CRY1: variants seen among roughly 807,000 people sequenced by gnomAD.
CRY1 encodes cryptochrome circadian regulator 1.
In CRY1, 45 loss-of-function variants were observed where a neutral mutation model predicts 76.0. That is an observed-to-expected ratio of 0.59 (90% CI 0.47 to 0.76). The LOEUF (loss-of-function observed/expected upper bound fraction) is 0.76. CRY1 is among the 30% of genes least tolerant of loss of function. CRY1 has a pLI of 0.00. For synonymous variants in CRY1, 248 were observed against 244.0 expected (o/e 1.02, Z -0.15); for missense variants, 587 against 716.4 (o/e 0.82, Z 2.06).
Position 107,022,175 on chromosome 12 carries a change from A to C in CRY1, c.176T>G (p.Leu59Arg). 6.3e-7 allele frequency: 1 copy of C among 1,586,656 alleles called. No homozygotes were observed. Among genetic ancestry groups the C allele is most frequent in the Non-Finnish European group, 8.6e-7 (1 of 1,165,812 alleles). ...INRWRFLLQC[L>R]EDLDANLRKL... ...TCGTAGATTGGCATCAAGATCCTCA[A>C]GACACTGAAGCAAAAATCTAGAGAG... is the stretch of plus-strand genomic sequence containing the variant. The change falls in exon 2 of 13, where the codon CTT becomes CGT. Residue 59 changes from leucine (L) to arginine (R), a missense_variant. Coordinates refer to ENST00000008527, the MANE Select transcript of CRY1 (RefSeq NM_004075.5).
intron 1 of CRY1, among the ~76,000 whole-genome samples, chr12:107,041,356 C>A (rs1314549570): frequency 6.6e-6 from 1 of 152,194 alleles, no homozygotes; most frequent in Non-Finnish European, 1.5e-5. Flanking sequence ...TAGGGAAGAT[C>A]TCTAAGGTTT....
Position 107,047,774 on chromosome 12 carries a change from A to C in CRY1, c.159-25582T>G, listed in dbSNP as rs10746077. ...CTCAGGTATTTCTTCACAGCGGTATAAGAACAGACTAATACAAACACCTAT... is the reference window on the plus strand; with the variant it reads ...CTCAGGTATTTCTTCACAGCGGTATCAGAACAGACTAATACAAACACCTAT... On this transcript the variant is annotated intron_variant, in intron 1 of 12. Coordinates refer to ENST00000008527, the MANE Select transcript of CRY1 (RefSeq NM_004075.5). 1.9e-3 allele frequency among the ~76,000 whole-genome samples: 291 copies of C among 152,036 alleles called. 2 individuals are homozygous for C. Among genetic ancestry groups the C allele is most frequent in the African/African-American group, 6.6e-3 (274 of 41,472 alleles).
intron 1 of CRY1, among the ~76,000 whole-genome samples, chr12:107,063,727 A>G (rs973854431): frequency 6.6e-6 from 1 of 152,130 alleles, no homozygotes; most frequent in African/African-American, 2.4e-5. Flanking sequence ...CCTCCAGAGT[A>G]GCTGGGATTA....
At chr12:106,995,813 G>GC (rs1566239360) in intron 10 of CRY1, among the ~76,000 whole-genome samples, 4 of 151,806 alleles carry the variant, frequency 2.6e-5, no homozygotes, top group Non-Finnish European at 4.4e-5. Context: ...CCCTGCCCCT[G>GC]CCCCCCCAAC....
At chr12:107,024,565 T>TG (rs1188335591) in intron 1 of CRY1, among the ~76,000 whole-genome samples, 2 of 151,978 alleles carry the variant, frequency 1.3e-5, no homozygotes, top group African/African-American at 4.8e-5. Flanking sequence ...TTTGTAGAGG[T>TG]GGGGTCTCCC....
chr12:107,003,547 C>T (rs998246584), intron 3 of CRY1, among the ~76,000 whole-genome samples: 3 of 152,080 alleles, frequency 2.0e-5, no homozygotes, highest in African/African-American at 7.2e-5. Flanking sequence ...CAGATACATA[C>T]AGAAAGTAAT....
chr12:107,001,509 C>T, intron 4 of CRY1, 141 bp from the exon 5 acceptor site: 1 of 748,422 alleles, frequency 1.3e-6, no homozygotes, highest in Non-Finnish European at 2.2e-6. Flanking sequence ...AAGCCCTCAC[C>T]TATAGAGGAT....
At chr12:106,993,255 T>A (rs188089490) in intron 10 of CRY1, among the ~76,000 whole-genome samples, 101 of 152,026 alleles carry the variant, frequency 6.6e-4, no homozygotes, top group African/African-American at 2.4e-3. Context: ...GGAAAAATCA[T>A]TGATGATCAT....
intron 10 of CRY1, among the ~76,000 whole-genome samples, chr12:106,996,001 G>A (rs973389513): frequency 6.6e-6 from 1 of 152,042 alleles, no homozygotes; most frequent in African/African-American, 2.4e-5. Context: ...GCGCTACCAC[G>A]CCCGGCCAAT....
intron 2 of CRY1, among the ~76,000 whole-genome samples, chr12:107,005,870 A>G (rs1398503322): frequency 6.6e-6 from 1 of 152,214 alleles, no homozygotes; most frequent in Non-Finnish European, 1.5e-5. Flanking sequence ...TATGTTAATA[A>G]GTTCTGTACA....
At chr12:107,016,438 T>C (rs1952499208) in intron 2 of CRY1, among the ~76,000 whole-genome samples, 1 of 152,212 alleles carries the variant, frequency 6.6e-6, no homozygotes, top group South Asian at 2.1e-4. Context: ...ATAGTAAAAC[T>C]AAAAGTTGTA....
chr12:106,997,300 T>C lies in CRY1; in HGVS notation c.1579A>G (p.Ser527Gly). ...SAENIPGCSS[S>G]GSCSQGSGIL... ...AAATTTCCTTTTCACTTACTTCCAC[T>C]GCTGCTACAACCTGGGATATTTTCT... The change falls in exon 10 of 13, where the codon AGT (serine) becomes GGT (glycine). Residue 527 changes from serine (S) to glycine (G), a missense_variant. By Grantham distance (56) the Ser-to-Gly change is moderately conservative. Transcript: ENST00000008527. The C allele has an allele frequency of 6.2e-7, 1 of 1,613,814 alleles. No homozygotes were observed. Among genetic ancestry groups the C allele is most frequent in the Middle Eastern group, 1.7e-4 (1 of 6,060 alleles).
intron 11 of CRY1, 30 bp downstream of exon 11, chr12:106,992,935 G>C (rs1451631073): frequency 6.2e-7 from 1 of 1,613,900 alleles, no homozygotes; most frequent in Admixed American, 1.7e-5. Flanking sequence ...AAAGGAAAAA[G>C]AACAGTATGC....
chr12:107,007,949 C>A (rs963101808), intron 2 of CRY1, among the ~76,000 whole-genome samples: 3 of 152,040 alleles, frequency 2.0e-5, no homozygotes, highest in Admixed American at 6.6e-5. Flanking sequence ...AGCCAGGGGG[C>A]TAAAGATAAA....
At position 106,997,635 on chromosome 12, in the gene CRY1, T is replaced by C; in HGVS notation, c.1345A>G (p.Asn449Asp). The change falls in exon 9 of 13, where the codon AAT becomes GAT. Residue 449 changes from asparagine to aspartate, a missense_variant. Coordinates refer to ENST00000008527, the MANE Select transcript of CRY1 (RefSeq NM_004075.5). The stretch of plus-strand genomic sequence containing the variant: ...ACCTTTTGGATACCTTCTGGTGCAT[T>C]CCAGGGATCATAGATATATTTTGCA... ...FPAKYIYDPW[N>D]APEGIQKVAK... 1 of 1,614,150 alleles carries C rather than the reference T, an allele frequency of 6.2e-7. No individual in the cohort carries two copies. The highest frequency in any genetic ancestry group is 8.5e-7 in the Non-Finnish European group (1 of 1,180,006).
chr12:107,050,750 T>C (rs1462415182), intron 1 of CRY1, among the ~76,000 whole-genome samples: 2 of 152,194 alleles, frequency 1.3e-5, no homozygotes, highest in East Asian at 3.8e-4. Context: ...GACAGACCTT[T>C]GTAAGATGGA....
At chr12:107,080,978 C>T (rs1287786205) in intron 1 of CRY1, among the ~76,000 whole-genome samples, 4 of 151,652 alleles carry the variant, frequency 2.6e-5, no homozygotes, top group African/African-American at 9.7e-5. Context: ...TTGGAGGCAA[C>T]CTAAAAAGAA....
At chr12:107,017,531 C>T (rs1417661085) in intron 2 of CRY1, among the ~76,000 whole-genome samples, 1 of 152,198 alleles carries the variant, frequency 6.6e-6, no homozygotes, top group Non-Finnish European at 1.5e-5. Context: ...TTGGTGTTGG[C>T]TGTTGTTTGG....
At chr12:106,996,833 AACT>A (rs1233785557) in intron 10 of CRY1, among the ~76,000 whole-genome samples, 2 of 152,206 alleles carry the variant, frequency 1.3e-5, no homozygotes, top group African/African-American at 4.8e-5. Flanking sequence ...TCATACAGAA[AACT>A]ACTACAGACC....
Sources: gnomAD v4.1 joint callset for allele counts (sites outside exome capture counted in the v4.1 genomes callset) on GRCh38, gnomAD v4.1.1 for gene constraint, MANE v1.5 for transcripts, NCBI Gene and HGNC (gene_info 2026-07-23, HGNC 2026-07-21) for gene names.